ATXN1: variants seen among roughly 807,000 people sequenced by gnomAD.
ATXN1 encodes the protein ataxin 1, also known as ataxin-1.
ATXN1 carries 8 observed loss-of-function variants against 56.4 expected under a neutral mutation model. That is an observed-to-expected ratio of 0.14 (90% confidence interval 0.08 to 0.26). The LOEUF (loss-of-function observed/expected upper bound fraction) is 0.26, where lower values mean the gene tolerates loss of function less well. Ranked by LOEUF, ATXN1 falls within the 10% of genes least tolerant of loss-of-function variation. The pLI is 1.00. For missense variants in ATXN1, 987 were observed against 1,106.5 expected (o/e 0.89, Z 1.53); for synonymous variants, 514 against 494.6 (o/e 1.04, Z -0.52).
At chr6:16,346,991 G>A (rs189371870) in intron 6 of ATXN1, among the ~76,000 whole-genome samples, 120 of 152,284 alleles carry the variant, frequency 7.9e-4, no homozygotes, top group Non-Finnish European at 6.8e-4. Context: ...GGCGGACCCC[G>A]CCGGCCCTAG....
At chr6:16,497,355 C>T (rs1358707157) in intron 5 of ATXN1, among the ~76,000 whole-genome samples, 1 of 151,700 alleles carries the variant, frequency 6.6e-6, no homozygotes, top group Non-Finnish European at 1.5e-5. Context: ...CTGACCCCAG[C>T]AGAAAAAGAG....
Position 16,458,789 on chromosome 6 carries a change from A to C in ATXN1, c.-161+27183T>G, listed in dbSNP as rs548268804. On this transcript the variant is annotated intron_variant, in intron 6 of 7. Coordinates refer to ENST00000436367, the MANE Select transcript of ATXN1 (RefSeq NM_001128164.2). ...TCACCCATGTCCACTATGCCAAGGC[A>C]ATCACTAGACGGGGTACTGCCCCAG... Among the ~76,000 whole-genome samples the C allele has an allele frequency of 2.0e-5, 3 of 152,338 alleles. No homozygotes were observed. The South Asian group carries it at 6.2e-4, about 32-fold the overall frequency.
Position 16,327,229 on chromosome 6 carries a change from A to G in ATXN1, c.1082T>C (p.Val361Ala). The G allele has an allele frequency of 6.2e-7, 1 of 1,613,536 alleles. No individual in the cohort carries two copies. Among genetic ancestry groups the G allele is most frequent in the Non-Finnish European group, 8.5e-7 (1 of 1,179,682 alleles). Residue 361 changes from valine to alanine, a missense_variant, in exon 7 of 8, where the codon GTG becomes GCG. By Grantham distance (64) the Val-to-Ala change is moderately conservative. Around this residue, in one of 3 missense-constraint regions of ATXN1, gnomAD observed 723 missense variants for 791.7 expected, o/e 0.91. Transcript: ENST00000436367. ...SVPHPYESRHVVVHPSPSDYS... is the reference protein window; with the variant it reads ...SVPHPYESRHAVVHPSPSDYS... Reference sequence around the variant, plus strand: ...GTCTGAGGGGCTCGGGTGGACCACCACGTGCCTGGACTCGTACGGGTGAGG... The same window carrying G: ...GTCTGAGGGGCTCGGGTGGACCACCGCGTGCCTGGACTCGTACGGGTGAGG...
chr6:16,535,318 A>C (rs113134965), intron 4 of ATXN1, among the ~76,000 whole-genome samples: 28 of 152,354 alleles, frequency 1.8e-4, no homozygotes, highest in Middle Eastern at 3.4e-3. Flanking sequence ...TGATTCTAGT[A>C]CTGTGACAGG....
At chr6:16,512,044 A>G (rs564198162) in intron 5 of ATXN1, among the ~76,000 whole-genome samples, 24 of 152,286 alleles carry the variant, frequency 1.6e-4, no homozygotes, top group African/African-American at 5.8e-4. Flanking sequence ...CATGGGTTCA[A>G]TTACCAGGCA....
intron 3 of ATXN1, among the ~76,000 whole-genome samples, chr6:16,647,814 G>A (rs912166457): frequency 6.6e-6 from 1 of 152,176 alleles, no homozygotes; most frequent in Non-Finnish European, 1.5e-5. Flanking sequence ...AGTGGCTCAC[G>A]CCTGTAATCC....
intron 6 of ATXN1, among the ~76,000 whole-genome samples, chr6:16,370,362 T>C: frequency 6.6e-6 from 1 of 152,224 alleles, no homozygotes. Context: ...AAGCTACAGA[T>C]TTATCAAAGA....
Position 16,300,271 on chromosome 6 carries a change from A to ACTAC in ATXN1, c.*6054_*6057dup, listed in dbSNP as rs1760051491. The ACTAC allele has an allele frequency of 1.3e-5, 2 of 152,768 alleles. No individual in the cohort carries two copies. The highest frequency in any genetic ancestry group is 2.1e-4 in the South Asian group (1 of 4,830). 9.5% of individuals were successfully genotyped at this position (152,768 alleles called of 1,614,324 possible). ...TAGAGATTGTTGTTATTGTATAGATACTACCTATTGGCCAAATGCACTTAA... is the reference window on the plus strand; with the variant it reads ...TAGAGATTGTTGTTATTGTATAGATACTACCTACCTATTGGCCAAATGCACTTAA... On this transcript the variant is annotated 3_prime_UTR_variant, in exon 8 of 8. Coordinates refer to ENST00000436367, the MANE Select transcript of ATXN1 (RefSeq NM_001128164.2).
chr6:16,387,114 T>G (rs754451931), intron 6 of ATXN1, among the ~76,000 whole-genome samples: 4 of 152,230 alleles, frequency 2.6e-5, no homozygotes, highest in Non-Finnish European at 4.4e-5. Flanking sequence ...TACATGCATC[T>G]GGCACAAGGG....
chr6:16,695,798 A>AAAAT (rs1391900481), intron 2 of ATXN1, among the ~76,000 whole-genome samples: 1 of 152,158 alleles, frequency 6.6e-6, no homozygotes, highest in Non-Finnish European at 1.5e-5. Flanking sequence ...GTCTTTACAA[A>AAAAT]AAATAAATTA....
chr6:16,444,451 G>A (rs1212444042), intron 6 of ATXN1, among the ~76,000 whole-genome samples: 2 of 152,176 alleles, frequency 1.3e-5, no homozygotes, highest in Middle Eastern at 3.2e-3. Flanking sequence ...CCAATGCTCA[G>A]ACAGGGGACC....
chr6:16,520,757 C>A (rs1052023957), intron 5 of ATXN1, among the ~76,000 whole-genome samples: 2 of 152,160 alleles, frequency 1.3e-5, no homozygotes, highest in East Asian at 3.9e-4. Flanking sequence ...TGGAAACCTT[C>A]ACAGTTCTAA....
chr6:16,738,369 T>G (rs1217511267), intron 2 of ATXN1: 6 of 152,186 alleles, frequency 3.9e-5, no homozygotes, highest in Admixed American at 3.3e-4. Flanking sequence ...GCAAGACCCT[T>G]AGAAGGGCAC....
At chr6:16,618,083 A>G (rs529003331) in intron 3 of ATXN1, among the ~76,000 whole-genome samples, 1 of 152,274 alleles carries the variant, frequency 6.6e-6, no homozygotes, top group Admixed American at 6.5e-5. Context: ...AATTGCAGCC[A>G]TAAAAAAGAA....
chr6:16,333,125 T>C lies in ATXN1; in HGVS notation c.-160-4655A>G, dbSNP rs898169948. Among the ~76,000 whole-genome samples the C allele has an allele frequency of 8.5e-5, 13 of 152,210 alleles. No individual in the cohort carries two copies. In the East Asian group the frequency reaches 2.5e-3, roughly 29 times the overall value. On this transcript the variant is annotated intron_variant, in intron 6 of 7. Coordinates refer to ENST00000436367, the MANE Select transcript of ATXN1 (RefSeq NM_001128164.2). ...GAGCCTCGGAGATAAACATCTAATA[T>C]TTAGGTGATGCTCCACTGCTTCCTC...
At position 16,382,771 on chromosome 6, in the gene ATXN1, GA is replaced by G. The variant is rs1310378274; in HGVS notation, c.-160-54302del. ...GCTTCCCTGGGCCACACTGGAAGGAGAAAAATTGTCTTGGGCTGCACATAAA... is the reference window on the plus strand; with the variant it reads ...GCTTCCCTGGGCCACACTGGAAGGAGAAAATTGTCTTGGGCTGCACATAAA... On this transcript the variant is annotated intron_variant, in intron 6 of 7. Coordinates refer to ENST00000436367, the MANE Select transcript of ATXN1 (RefSeq NM_001128164.2). Among the ~76,000 whole-genome samples the G allele has an allele frequency of 2.0e-5, 3 of 151,844 alleles. No individual in the cohort carries two copies. The South Asian group carries it at 6.3e-4, about 32-fold the overall frequency.
rs150309546 is a variant in ATXN1 at position 16,348,715 on chromosome 6, T to C, written c.-160-20245A>G. ...TGCCTTAGAAAAAAAAAAATGAAGATAGTAATACGCCTTATTTCATGAAGT... is the reference window on the plus strand; with the variant it reads ...TGCCTTAGAAAAAAAAAAATGAAGACAGTAATACGCCTTATTTCATGAAGT... On this transcript the variant is annotated intron_variant, in intron 6 of 7. Transcript: ENST00000436367. Among the ~76,000 whole-genome samples the C allele has an allele frequency of 2.6e-3, 392 of 151,922 alleles. 2 individuals carry two copies. Among genetic ancestry groups the C allele is most frequent in the African/African-American group, 9.1e-3 (376 of 41,432 alleles).
chr6:16,549,335 G>A (rs986634990), intron 4 of ATXN1, among the ~76,000 whole-genome samples: 1 of 152,120 alleles, frequency 6.6e-6, no homozygotes, highest in African/African-American at 2.4e-5. Context: ...CAGCATCACA[G>A]CAAACATATG....
chr6:16,369,585 G>A (rs910203428), intron 6 of ATXN1, among the ~76,000 whole-genome samples: 4 of 152,296 alleles, frequency 2.6e-5, no homozygotes, highest in South Asian at 2.1e-4. Flanking sequence ...GCAGCCACCC[G>A]TTCGCTCTTG....
Sources: gnomAD v4.1 joint callset for allele counts (sites outside exome capture counted in the v4.1 genomes callset) on GRCh38, gnomAD v4.1.1 for gene constraint, gnomAD v4.1.1 regional missense constraint, MANE v1.5 for transcripts, NCBI Gene and HGNC (gene_info 2026-07-23, HGNC 2026-07-21) for gene names.